HEATR4: variants seen among roughly 807,000 people sequenced by gnomAD.
HEATR4 encodes HEAT repeat containing 4, also known as HEAT repeat-containing protein 4.
A neutral mutation model predicts 108.8 loss-of-function variants in HEATR4; 95 were observed. The ratio of observed to expected loss-of-function variants is 0.87; its 90% CI spans 0.74 to 1.04. The LOEUF is 1.04. Ranked by LOEUF, HEATR4 falls within the 50% of genes least tolerant of loss-of-function variation. The pLI is 0.00. For missense variants in HEATR4, 1,152 were observed against 1,253.8 expected, an observed-to-expected ratio of 0.92 and a Z score of 1.23; for synonymous variants, 443 against 459.4, an observed-to-expected ratio of 0.96 and a Z score of 0.46.
chr14:73,624,250 G>A, the HEATR4 span, among the ~76,000 whole-genome samples: 30 of 151,998 alleles, frequency 2.0e-4, no homozygotes, highest in African/African-American at 7.0e-4. Flanking sequence ...AGCATCCCGA[G>A]TAGCTGAGAT....
chr14:73,598,475 A>C, the HEATR4 span, among the ~76,000 whole-genome samples: 3 of 151,902 alleles, frequency 2.0e-5, no homozygotes, highest in Non-Finnish European at 1.5e-5. Context: ...CAGTCACTAG[A>C]GTAGAGCGGC....
At chr14:73,491,658 C>G (rs1334891478) in intron 17 of HEATR4, 1 of 1,549,836 alleles carries the variant, frequency 6.5e-7, no homozygotes. Flanking sequence ...GCGCCCATGC[C>G]GCCAGATCAC....
At chr14:73,576,949 GA>G in the HEATR4 span, among the ~76,000 whole-genome samples, 4 of 94,590 alleles carry the variant, frequency 4.2e-5, no homozygotes, top group African/African-American at 1.9e-4. Context: ...TTTTTTTTTT[GA>G]GAGAGGGTCT....
chr14:73,515,477 C>T (rs1887543512), intron 5 of HEATR4, among the ~76,000 whole-genome samples: 1 of 151,688 alleles, frequency 6.6e-6, no homozygotes, highest in African/African-American at 2.4e-5. Flanking sequence ...GTCACAAGTT[C>T]GAGACCAGCC....
At chr14:73,528,548 G>A (rs1888504868) in intron 2 of HEATR4, among the ~76,000 whole-genome samples, 1 of 152,106 alleles carries the variant, frequency 6.6e-6, no homozygotes, top group African/African-American at 2.4e-5. Context: ...GTTCTGGCTT[G>A]TCTTTGTCTG....
In HEATR4 at chr14:73,500,995, C is replaced by T. The variant is rs185978147; in HGVS notation, c.2106-265G>A. Among the ~76,000 whole-genome samples the T allele has an allele frequency of 4.6e-5, 7 of 152,352 alleles. No homozygotes were observed. The East Asian group carries it at 9.6e-4, about 21-fold the overall frequency. On this transcript the variant is annotated intron_variant, in intron 11 of 17. Transcript: ENST00000553558. ...GAATAAAGGAAAATGTCAACTTGCA[C>T]CTCTTTTCACAGTCAAGTTCTCTTC...
the HEATR4 span, among the ~76,000 whole-genome samples, chr14:73,609,344 A>G: frequency 6.6e-6 from 1 of 152,136 alleles, no homozygotes; most frequent in Non-Finnish European, 1.5e-5. Context: ...CTGGCAGATG[A>G]TGGGATCCTG....
the HEATR4 span, chr14:73,612,604 C>T: frequency 7.1e-7 from 1 of 1,416,354 alleles, no homozygotes; most frequent in Non-Finnish European, 9.3e-7. Flanking sequence ...AGCCCGCGGG[C>T]CGCTGCTGCT....
Position 73,493,068 on chromosome 14 carries a change from TTATCACTGC to T in HEATR4, c.2833_2841del (p.Ala945_Ile947del). 1 of 1,612,120 alleles carries T rather than the reference TTATCACTGC, an allele frequency of 6.2e-7. No homozygotes were observed. Among genetic ancestry groups the T allele is most frequent in the Non-Finnish European group, 8.5e-7 (1 of 1,179,592 alleles). ...AGCATCAGTGTGCTCACATTTACCT[TTATCACTGC>T]TTCAGTGTCACAAACCTCGGAAGGT... On this transcript the variant is annotated inframe_deletion, in exon 17 of 18. Transcript: ENST00000553558.
At position 73,555,636 on chromosome 14, in the gene HEATR4, G is replaced by A. The variant is rs1000303092; in HGVS notation, c.-152+3115C>T. On this transcript the variant is annotated intron_variant, in intron 1 of 17. Coordinates refer to ENST00000553558, the MANE Select transcript of HEATR4 (RefSeq NM_001220484.1). The stretch of plus-strand genomic sequence containing the variant: ...CAGTGTGTCCACATCTTGCTTCTAA[G>A]GCAGGGGGCAATTTGATCCTAAACA... Among the ~76,000 whole-genome samples the A allele has an allele frequency of 6.1e-5, 7 of 115,108 alleles. 1 individual carries two copies. Among genetic ancestry groups the A allele is most frequent in the African/African-American group, 2.0e-4 (7 of 35,654 alleles). The allele number at this position is 115,108 out of a possible 152,430, so 75.5% of individuals were successfully genotyped here.
At chr14:73,573,404 T>C in the HEATR4 span, 4 of 1,613,654 alleles carry the variant, frequency 2.5e-6, no homozygotes, top group Admixed American at 1.7e-5. Context: ...GGCCCTTTCC[T>C]GGGATTGTGG....
intron 1 of HEATR4, chr14:73,539,579 C>G (rs1432880899): frequency 8.6e-6 from 1 of 115,898 alleles, no homozygotes; most frequent in Non-Finnish European, 1.9e-5. Context: ...TAGGGAAAAG[C>G]CTAGGGCTTC....
intron 1 of HEATR4, chr14:73,541,344 G>C (rs540209126): frequency 2.8e-6 from 2 of 710,628 alleles, no homozygotes; most frequent in African/African-American, 3.9e-5. Context: ...GTTTCTGGAC[G>C]AACACAGGTT....
intron 13 of HEATR4, among the ~76,000 whole-genome samples, chr14:73,498,615 A>T (rs1886240878): frequency 6.6e-6 from 1 of 152,220 alleles, no homozygotes; most frequent in Non-Finnish European, 1.5e-5. Context: ...CAGCAGGGTG[A>T]TGGGGAAAGG....
chr14:73,605,556 CTTTTTTTTTTTTTTTTT>C, the HEATR4 span, among the ~76,000 whole-genome samples: 9 of 56,914 alleles, frequency 1.6e-4, no homozygotes, highest in East Asian at 1.7e-3. Flanking sequence ...CTGTAAGATT[CTTTTTTTTTTTTTTTTT>C]TTTTTTTTTT....
Position 73,554,708 on chromosome 14 carries a change from T to C in HEATR4, c.-152+4043A>G, listed in dbSNP as rs911947292. 3.4e-4 allele frequency among the ~76,000 whole-genome samples: 39 copies of C among 115,546 alleles called. 12 individuals are homozygous for C. Among genetic ancestry groups the C allele is most frequent in the African/African-American group, 9.8e-4 (35 of 35,802 alleles). 75.8% of individuals were successfully genotyped at this position (115,546 alleles called of 152,430 possible). On this transcript the variant is annotated intron_variant, in intron 1 of 17. Transcript: ENST00000553558. ...TGACAGAGAGCAGCACTGGTTCTGC[T>C]ACTTTTAAAATGAATAATTGATTTC...
At chr14:73,569,235 G>A in the HEATR4 span, 2 of 1,612,960 alleles carry the variant, frequency 1.2e-6, no homozygotes, top group Non-Finnish European at 1.7e-6. Context: ...ACGGCAGCCC[G>A]AGAGGATGTC....
Position 73,502,973 on chromosome 14 carries a change from C to G in HEATR4, c.2027G>C (p.Trp676Ser). Residue 676 changes from tryptophan to serine, a missense_variant, in exon 11 of 18, where the codon TGG becomes TCG. Physicochemically the swap from Trp to Ser is radical, Grantham distance 177. Coordinates refer to ENST00000553558, the MANE Select transcript of HEATR4 (RefSeq NM_001220484.1). ...HKLIQLMWND[W>S]NKEVRRAAAQ... ...AGCTGCTCTCCTCACTTCCTTATTC[C>G]AGTCATTCCACATCAGCTGGATCAA... 1 of 1,614,066 alleles carries G rather than the reference C, an allele frequency of 6.2e-7. No individual in the cohort carries two copies. Among genetic ancestry groups the G allele is most frequent in the Non-Finnish European group, 8.5e-7 (1 of 1,180,014 alleles).
At chr14:73,566,858 C>T in the HEATR4 span, among the ~76,000 whole-genome samples, 1 of 152,168 alleles carries the variant, frequency 6.6e-6, no homozygotes, top group Admixed American at 6.5e-5. Context: ...GCTGTGAGGG[C>T]TGCCAGCACG....
Sources: allele counts gnomAD v4.1 joint callset (sites outside exome capture counted in the v4.1 genomes callset), GRCh38; gene constraint gnomAD v4.1.1; transcripts MANE v1.5; gene names NCBI Gene and HGNC (gene_info 2026-07-23, HGNC 2026-07-21).